NALF1: variants seen among roughly 807,000 people sequenced by gnomAD.
NALF1 encodes family with sequence similarity 155 member A.
NALF1 carries 3 observed loss-of-function variants against 48.4 expected under a neutral mutation model. That is an observed-to-expected ratio of 0.06 (90% CI 0.03 to 0.16). NALF1 has a LOEUF of 0.16. NALF1 is among the 10% of genes least tolerant of loss of function. The pLI, the probability that NALF1 is intolerant of heterozygous loss-of-function variation, is 1.00. For synonymous variants in NALF1, 262 were observed against 245.7 expected (o/e 1.07, Z -0.62); for missense variants, 526 against 571.5 (o/e 0.92, Z 0.81).
At chr13:107,386,253 C>T (rs1883528980) in intron 1 of NALF1, among the ~76,000 whole-genome samples, 1 of 152,188 alleles carries the variant, frequency 6.6e-6, no homozygotes, top group Admixed American at 6.5e-5. Context: ...AACATAATTT[C>T]TAGATTATTC....
intron 1 of NALF1, among the ~76,000 whole-genome samples, chr13:107,381,043 T>C (rs1403455232): frequency 6.7e-6 from 1 of 149,088 alleles, no homozygotes; most frequent in Non-Finnish European, 1.5e-5. Context: ...TTCATATATA[T>C]GTAAAATAAA....
intron 1 of NALF1, among the ~76,000 whole-genome samples, chr13:107,216,708 C>T (rs899578591): frequency 6.6e-6 from 1 of 152,172 alleles, no homozygotes; most frequent in African/African-American, 2.4e-5. Context: ...TCCCAGTCCA[C>T]CCAAACCATT....
intron 1 of NALF1, among the ~76,000 whole-genome samples, chr13:107,536,928 T>C (rs1282448661): frequency 6.6e-6 from 1 of 152,062 alleles, no homozygotes; most frequent in Non-Finnish European, 1.5e-5. Flanking sequence ...ATGTCCTTTG[T>C]AGGGACATGG....
intron 1 of NALF1, among the ~76,000 whole-genome samples, chr13:107,252,592 A>T (rs2138845823): frequency 6.6e-6 from 1 of 152,230 alleles, no homozygotes; most frequent in East Asian, 1.9e-4. Flanking sequence ...CCTCACCTCC[A>T]CAGGTGCATG....
intron 1 of NALF1, among the ~76,000 whole-genome samples, chr13:107,582,185 C>A (rs1878331028): frequency 6.6e-6 from 1 of 152,072 alleles, no homozygotes; most frequent in Admixed American, 6.6e-5. Context: ...GACATAAATC[C>A]TTTAAAATAG....
intron 1 of NALF1, among the ~76,000 whole-genome samples, chr13:107,588,666 T>C (rs911941608): frequency 1.2e-4 from 18 of 152,232 alleles, no homozygotes; most frequent in African/African-American, 4.3e-4. Flanking sequence ...ATGTAGTCTT[T>C]TAAATCCACA....
At chr13:107,594,126 T>C (rs1220307773) in intron 1 of NALF1, among the ~76,000 whole-genome samples, 1 of 152,002 alleles carries the variant, frequency 6.6e-6, no homozygotes, top group Admixed American at 6.6e-5. Context: ...AGCCCTTCTG[T>C]CCACTCTTCA....
intron 1 of NALF1, among the ~76,000 whole-genome samples, chr13:107,560,585 T>C (rs1356293103): frequency 3.3e-5 from 5 of 152,180 alleles, no homozygotes; most frequent in Middle Eastern, 3.2e-3. Flanking sequence ...TCATTTTAAA[T>C]GGAGAGCAGT....
intron 1 of NALF1, among the ~76,000 whole-genome samples, chr13:107,427,179 A>C (rs727942): frequency 3.4e-4 from 52 of 151,782 alleles, no homozygotes; most frequent in African/African-American, 1.0e-3. Context: ...ATAAGTACAC[A>C]GAAATTAAGT....
intron 1 of NALF1, among the ~76,000 whole-genome samples, chr13:107,644,909 T>C (rs1366366789): frequency 3.3e-5 from 5 of 151,972 alleles, no homozygotes; most frequent in Admixed American, 1.3e-4. Context: ...TCTTTTGATC[T>C]TTATACACAC....
chr13:107,693,322 G>A (rs1296740345), intron 1 of NALF1, among the ~76,000 whole-genome samples: 5 of 63,942 alleles, frequency 7.8e-5, no homozygotes, highest in Non-Finnish European at 1.8e-4. Flanking sequence ...AGGGCCTGTC[G>A]TAGGGTAGGG....
chr13:107,850,493 T>C (rs766019578), intron 1 of NALF1, among the ~76,000 whole-genome samples: 1 of 152,246 alleles, frequency 6.6e-6, no homozygotes, highest in Non-Finnish European at 1.5e-5. Context: ...AGCCGAATCA[T>C]GGCCATTAGG....
intron 1 of NALF1, among the ~76,000 whole-genome samples, chr13:107,262,934 C>T (rs1303476596): frequency 6.6e-6 from 1 of 152,072 alleles, no homozygotes; most frequent in Non-Finnish European, 1.5e-5. Flanking sequence ...ATTTGGTTAA[C>T]AAAGAGAATC....
intron 1 of NALF1, among the ~76,000 whole-genome samples, chr13:107,853,479 T>C (rs140009317): frequency 6.6e-6 from 1 of 152,212 alleles, no homozygotes; most frequent in Non-Finnish European, 1.5e-5. Flanking sequence ...CTGATAAGCA[T>C]TGTAACCACT....
chr13:107,859,232 T>C (rs1880507161), intron 1 of NALF1, among the ~76,000 whole-genome samples: 2 of 152,188 alleles, frequency 1.3e-5, no homozygotes, highest in African/African-American at 4.8e-5. Flanking sequence ...TTTCTTCTTG[T>C]GCAAAATGAA....
chr13:107,629,740 A>G (rs1338119932), intron 1 of NALF1, among the ~76,000 whole-genome samples: 1 of 152,206 alleles, frequency 6.6e-6, no homozygotes, highest in African/African-American at 2.4e-5. Context: ...AGATATAGAT[A>G]GAAATGTTTT....
chr13:107,542,028 C>T (rs1214575808), intron 1 of NALF1, among the ~76,000 whole-genome samples: 1 of 151,908 alleles, frequency 6.6e-6, no homozygotes, highest in Non-Finnish European at 1.5e-5. Flanking sequence ...CCTGGATGGT[C>T]CCTGAAGGCT....
intron 1 of NALF1, among the ~76,000 whole-genome samples, chr13:107,336,850 A>G (rs551154361): frequency 3.9e-4 from 60 of 152,250 alleles, no homozygotes; most frequent in Non-Finnish European, 7.4e-4. Flanking sequence ...CAGCAGGATC[A>G]AGGAAGAAAA....
intron 1 of NALF1, among the ~76,000 whole-genome samples, chr13:107,301,265 T>C (rs1246485735): frequency 6.6e-6 from 1 of 152,216 alleles, no homozygotes; most frequent in African/African-American, 2.4e-5. Context: ...GTCATTTGTG[T>C]ATTCATTAAT....
Sources: gnomAD v4.1 joint callset for allele counts (sites outside exome capture counted in the v4.1 genomes callset) on GRCh38, gnomAD v4.1.1 for gene constraint, MANE v1.5 for transcripts, NCBI Gene and HGNC (gene_info 2026-07-23, HGNC 2026-07-21) for gene names.